NCKAP5: variants seen among roughly 807,000 people sequenced by gnomAD.
NCKAP5 encodes nck-associated protein 5.
Under a neutral mutation model 167.0 loss-of-function variants are expected in NCKAP5, and 92 were observed. The observed-to-expected ratio is 0.55, with a 90% CI of 0.47 to 0.66. NCKAP5 has a LOEUF of 0.66. Among genes scored for constraint, NCKAP5 ranks in the 30% least tolerant of loss-of-function variants. NCKAP5 has a pLI of 0.00. For missense variants in NCKAP5, 2,378 were observed against 2,315.0 expected, an observed-to-expected ratio of 1.03 and a Z score of -0.56; for synonymous variants, 891 against 877.4, an observed-to-expected ratio of 1.02 and a Z score of -0.27.
chr2:133,366,365 C>A (rs1685456859), intron 3 of NCKAP5, among the ~76,000 whole-genome samples: 1 of 152,088 alleles, frequency 6.6e-6, no homozygotes, highest in South Asian at 2.1e-4. Context: ...TGCAGTGGTG[C>A]AATCTTGGCT....
At chr2:132,890,457 C>T (rs889635104) in intron 8 of NCKAP5, among the ~76,000 whole-genome samples, 2 of 152,156 alleles carry the variant, frequency 1.3e-5, no homozygotes, top group Non-Finnish European at 1.5e-5. Flanking sequence ...GTGAAAACTA[C>T]AGGCTTCCAA....
chr2:132,841,471 T>C (rs756004917), intron 11 of NCKAP5, among the ~76,000 whole-genome samples: 2 of 152,142 alleles, frequency 1.3e-5, no homozygotes, highest in East Asian at 1.9e-4. Flanking sequence ...TGTAAAGGAA[T>C]ACAGTTTTCA....
At chr2:133,445,693 GGA>G (rs1215211903) in intron 3 of NCKAP5, among the ~76,000 whole-genome samples, 6 of 152,142 alleles carry the variant, frequency 3.9e-5, no homozygotes, top group Admixed American at 3.9e-4. Flanking sequence ...CCAGAGAAAG[GGA>G]GAGACTTTTT....
At chr2:133,021,547 T>G (rs930061045) in intron 6 of NCKAP5, among the ~76,000 whole-genome samples, 3 of 152,260 alleles carry the variant, frequency 2.0e-5, no homozygotes, top group African/African-American at 7.2e-5. Context: ...TATGTGTCAG[T>G]AAGTGTGTAT....
Position 132,728,796 on chromosome 2 carries a change from C to T in NCKAP5, c.5580+20G>A. On this transcript the variant is annotated intron_variant, in intron 18 of 19. Coordinates refer to ENST00000409261, the MANE Select transcript of NCKAP5 (RefSeq NM_207363.3). ...GGACCAACAGGTGGATTGCACCCTT[C>T]ACCTCCCCCGACCCCTCACCTGGGT... 2 of 1,612,878 alleles carry T rather than the reference C, an allele frequency of 1.2e-6. No homozygotes were observed. Among genetic ancestry groups the T allele is most frequent in the Non-Finnish European group, 1.7e-6 (2 of 1,179,524 alleles).
intron 19 of NCKAP5, among the ~76,000 whole-genome samples, chr2:132,679,470 T>C (rs1039888935): frequency 6.6e-6 from 1 of 152,072 alleles, no homozygotes; most frequent in Non-Finnish European, 1.5e-5. Context: ...GTCCAAGGTG[T>C]CCCCTACTAC....
intron 2 of NCKAP5, among the ~76,000 whole-genome samples, chr2:133,528,544 T>A (rs1204766235): frequency 6.6e-6 from 1 of 152,178 alleles, no homozygotes; most frequent in African/African-American, 2.4e-5. Context: ...GGCCTGTGGG[T>A]TGTACTTCAA....
At chr2:133,483,260 T>C (rs1680617017) in intron 3 of NCKAP5, among the ~76,000 whole-genome samples, 1 of 152,228 alleles carries the variant, frequency 6.6e-6, no homozygotes, top group Non-Finnish European at 1.5e-5. Flanking sequence ...CATCTGGTCC[T>C]TGTTAATTCT....
upstream of NCKAP5, among the ~76,000 whole-genome samples, chr2:133,570,881 C>A (rs1046622817): frequency 3.9e-5 from 6 of 152,174 alleles, no homozygotes; most frequent in Non-Finnish European, 7.3e-5. Context: ...AGGGACTTTG[C>A]CTTTTTTCAG....
At chr2:133,098,905 T>G (rs2081420933) in intron 6 of NCKAP5, among the ~76,000 whole-genome samples, 1 of 152,206 alleles carries the variant, frequency 6.6e-6, no homozygotes, top group Non-Finnish European at 1.5e-5. Context: ...GTTTAATTGT[T>G]TCTGGAAGAT....
chr2:132,830,773 G>GATC (rs1687465665), intron 11 of NCKAP5, among the ~76,000 whole-genome samples: 1 of 152,128 alleles, frequency 6.6e-6, no homozygotes, highest in South Asian at 2.1e-4. Context: ...ATATGACAAG[G>GATC]ATCAGTAGCA....
chr2:133,318,919 ACTATG>A (rs1681816582), intron 3 of NCKAP5, among the ~76,000 whole-genome samples: 2 of 152,162 alleles, frequency 1.3e-5, no homozygotes, highest in Non-Finnish European at 2.9e-5. Context: ...CGGTTCTCCC[ACTATG>A]GACACAGACC....
rs897216609 is a variant in NCKAP5, at chr2:132,784,081, G to C, written c.2730C>G (p.Pro910=). Residue 910 remains proline (P), a synonymous_variant, in exon 14 of 20, where the codon CCC becomes CCG. Coordinates refer to ENST00000409261, the MANE Select transcript of NCKAP5 (RefSeq NM_207363.3). ...AIESSDSGEP[P]TRDEHCGSGP... Reference sequence around the variant, plus strand: ...CAGAGCCACAGTGTTCATCCCTCGTGGGGGGCTCTCCACTGTCACTAGACT... The same window carrying C: ...CAGAGCCACAGTGTTCATCCCTCGTCGGGGGCTCTCCACTGTCACTAGACT... 6.6e-6 allele frequency: 10 copies of C among 1,521,592 alleles called. No homozygotes were observed. Among genetic ancestry groups the C allele is most frequent in the Admixed American group, 2.2e-5 (1 of 44,602 alleles). 94.3% of individuals were successfully genotyped at this position (1,521,592 alleles called of 1,614,324 possible).
chr2:132,691,030 A>G (rs1686665963), intron 19 of NCKAP5, among the ~76,000 whole-genome samples: 1 of 152,118 alleles, frequency 6.6e-6, no homozygotes, highest in African/African-American at 2.4e-5. Flanking sequence ...CAGCTATTCC[A>G]TTATTTGGAT....
At chr2:133,647,270 G>C in the NCKAP5 span, among the ~76,000 whole-genome samples, 1 of 151,200 alleles carries the variant, frequency 6.6e-6, no homozygotes, top group African/African-American at 2.4e-5. Flanking sequence ...CCAGGAATTA[G>C]ATGCTGCAAT....
intron 8 of NCKAP5, among the ~76,000 whole-genome samples, chr2:132,939,927 G>T (rs1326492960): frequency 6.6e-6 from 1 of 152,106 alleles, no homozygotes; most frequent in African/African-American, 2.4e-5. Flanking sequence ...TTGAACCTGG[G>T]AAGCAGAGGT....
the NCKAP5 span, among the ~76,000 whole-genome samples, chr2:133,601,799 C>G: frequency 6.6e-6 from 1 of 152,046 alleles, no homozygotes; most frequent in African/African-American, 2.4e-5. Context: ...TTTTCAGGTG[C>G]TAAAGTCCTA....
At chr2:133,462,802 A>G (rs1692283147) in intron 3 of NCKAP5, among the ~76,000 whole-genome samples, 1 of 152,214 alleles carries the variant, frequency 6.6e-6, no homozygotes, top group African/African-American at 2.4e-5. Flanking sequence ...CTCACAAGCC[A>G]CAAGCATAAG....
At chr2:132,688,941 G>A (rs1686338521) in intron 19 of NCKAP5, among the ~76,000 whole-genome samples, 1 of 132,062 alleles carries the variant, frequency 7.6e-6, no homozygotes, top group South Asian at 2.5e-4. Flanking sequence ...AGCCGTGATG[G>A]CACCACTGTA....
Sources: allele counts gnomAD v4.1 joint callset (sites outside exome capture counted in the v4.1 genomes callset), GRCh38; gene constraint gnomAD v4.1.1; transcripts MANE v1.5; gene names NCBI Gene and HGNC (gene_info 2026-07-23, HGNC 2026-07-21).